The following MAP1B variants were observed in gnomAD, a reference collection of about 807,000 sequenced individuals.
MAP1B encodes microtubule associated protein 1B.
MAP1B carries 12 observed loss-of-function variants against 176.1 expected under a neutral mutation model. The ratio of observed to expected loss-of-function variants is 0.07; its 90% CI spans 0.04 to 0.11. MAP1B has a LOEUF of 0.11. Ranked by LOEUF, MAP1B falls within the 10% of genes least tolerant of loss-of-function variation. The pLI, the probability that MAP1B is intolerant of heterozygous loss-of-function variation, is 1.00. For synonymous variants in MAP1B, 1,044 were observed against 1,135.0 expected (o/e 0.92, Z 1.61); for missense variants, 2,523 against 2,990.5 (o/e 0.84, Z 3.65).
chr5:72,121,269 C>G (rs188655178), intron 2 of MAP1B, among the ~76,000 whole-genome samples: 146 of 152,370 alleles, frequency 9.6e-4, no homozygotes, highest in African/African-American at 3.2e-3. Flanking sequence ...CTCTTCTGCT[C>G]TCACCAATCA....
At chr5:72,114,089 A>T (rs771487447) in intron 1 of MAP1B, among the ~76,000 whole-genome samples, 1 of 152,210 alleles carries the variant, frequency 6.6e-6, no homozygotes, top group African/African-American at 2.4e-5. Flanking sequence ...CCCATTGATC[A>T]TATGAGAAAT....
At chr5:72,112,048 C>T (rs965958210) in intron 1 of MAP1B, among the ~76,000 whole-genome samples, 1 of 151,998 alleles carries the variant, frequency 6.6e-6, no homozygotes, top group African/African-American at 2.4e-5. Flanking sequence ...GTAGCATTTC[C>T]TTTAGTTCAT....
chr5:72,163,635 G>T (rs1746367287), intron 2 of MAP1B, among the ~76,000 whole-genome samples: 1 of 152,176 alleles, frequency 6.6e-6, no homozygotes, highest in East Asian at 1.9e-4. Context: ...TAGGAAGGAG[G>T]TGTCGGGATC....
intron 2 of MAP1B, among the ~76,000 whole-genome samples, chr5:72,157,112 G>A (rs1202145741): frequency 1.3e-5 from 2 of 152,212 alleles, no homozygotes; most frequent in East Asian, 1.9e-4. Context: ...GAAAATGTGT[G>A]TTAAACAGAT....
chr5:72,168,670 C>G (rs558214742), intron 2 of MAP1B, among the ~76,000 whole-genome samples: 1 of 152,314 alleles, frequency 6.6e-6, no homozygotes, highest in Admixed American at 6.5e-5. Flanking sequence ...CCTCCTTGGA[C>G]TCATTTTAAA....
intron 2 of MAP1B, among the ~76,000 whole-genome samples, chr5:72,170,630 G>A (rs1053697559): frequency 1.3e-5 from 2 of 151,854 alleles, no homozygotes; most frequent in African/African-American, 2.4e-5. Context: ...GATCAGAACA[G>A]TTAACCTGCC....
chr5:72,183,738 T>C lies in MAP1B; in HGVS notation c.287-5T>C. On this transcript the variant is annotated splice_region_variant and splice_polypyrimidine_tract_variant and intron_variant, in intron 2 of 6. Transcript: ENST00000296755. ...CCTCTTTTGTTTGTGTTTTTGTGCCTGCAGGACAAAAGATCCTTCATCACC... is the reference window on the plus strand; with the variant it reads ...CCTCTTTTGTTTGTGTTTTTGTGCCCGCAGGACAAAAGATCCTTCATCACC... The C allele has an allele frequency of 5.0e-6, 8 of 1,613,408 alleles. No homozygotes were observed. The highest frequency in any genetic ancestry group is 1.7e-4 in the Middle Eastern group (1 of 6,058).
intron 4 of MAP1B, among the ~76,000 whole-genome samples, chr5:72,187,338 G>T (rs184707230): frequency 6.6e-6 from 1 of 152,322 alleles, no homozygotes; most frequent in East Asian, 1.9e-4. Context: ...CTTATTCAAA[G>T]ATGACACATA....
Position 72,108,557 on chromosome 5 carries a change from T to C in MAP1B, c.184+842T>C, listed in dbSNP as rs371175615. Among the ~76,000 whole-genome samples the C allele has an allele frequency of 3.2e-4, 48 of 152,294 alleles. 1 individual carries two copies. In the East Asian group the frequency reaches 9.3e-3, roughly 30 times the overall value. ...AGTGGCGCGCTCTGCGGAGGCCGAATAGCGGTACGCCGGGGACCCTGGGCG... is the reference window on the plus strand; with the variant it reads ...AGTGGCGCGCTCTGCGGAGGCCGAACAGCGGTACGCCGGGGACCCTGGGCG... On this transcript the variant is annotated intron_variant, in intron 1 of 6. Transcript: ENST00000296755.
rs766902322 is a variant in MAP1B at position 72,195,470 on chromosome 5, G to T, written c.2115G>T (p.Pro705=). 2.3e-5 allele frequency: 36 copies of T among 1,586,964 alleles called. No homozygotes were observed. The highest frequency in any genetic ancestry group is 2.7e-5 in the Non-Finnish European group (32 of 1,171,240). ...AGAAAGAGGTTAAGAAAGAAACACC[G>T]CCAAAGGAAGTCAAGAAGGAAGTTA... The part of the protein sequence containing the change: ...EPKKEVKKET[P]PKEVKKEVKK... The change falls in exon 5 of 7, where the codon CCG becomes CCT. Residue 705 remains proline, a synonymous_variant. Coordinates refer to ENST00000296755, the MANE Select transcript of MAP1B (RefSeq NM_005909.5).
At position 72,205,509 on chromosome 5, in the gene MAP1B, A is replaced by G. The variant is rs1747427893; in HGVS notation, c.*270A>G. On this transcript the variant is annotated 3_prime_UTR_variant, in exon 7 of 7. Transcript: ENST00000296755. The stretch of plus-strand genomic sequence containing the variant: ...TCTGCTGAACATTTGGAAACCATGC[A>G]CTAGCCAACCCAACTGACTTCTGCT... 1 of 364,680 alleles carries G rather than the reference A, an allele frequency of 2.7e-6. No homozygotes were observed. Among genetic ancestry groups the G allele is most frequent in the African/African-American group, 2.1e-5 (1 of 48,204 alleles). 22.6% of individuals were successfully genotyped at this position (364,680 alleles called of 1,614,324 possible). A position where few individuals can be genotyped will look rare whatever the true frequency, so the allele number is the denominator to read the frequency against.
In MAP1B at chr5:72,194,971, C is replaced by T. The variant is rs367593566; in HGVS notation, c.1616C>T (p.Ala539Val). The T allele has an allele frequency of 6.2e-7, 1 of 1,613,936 alleles. No homozygotes were observed. The highest frequency in any genetic ancestry group is 1.3e-5 in the African/African-American group (1 of 74,868). The part of the protein sequence containing the change: ...VVKQTKLKQR[A>V]DSRESLKPAA... Reference sequence around the variant, plus strand: ...AAACAAACAAAACTGAAACAGAGGGCTGATAGCCGAGAAAGTCTGAAGCCA... The same window carrying T: ...AAACAAACAAAACTGAAACAGAGGGTTGATAGCCGAGAAAGTCTGAAGCCA... Residue 539 changes from alanine to valine, a missense_variant, in exon 5 of 7, where the codon GCT becomes GTT. Transcript: ENST00000296755. This position sits in a 1 kb window ranked among gnomAD's most constrained non-coding sequence, Gnocchi z 7.2.
At chr5:72,120,141 C>A (rs574903141) in intron 2 of MAP1B, among the ~76,000 whole-genome samples, 1 of 152,312 alleles carries the variant, frequency 6.6e-6, no homozygotes, top group South Asian at 2.1e-4. Context: ...AAAAACTATT[C>A]TCAGGACAAG....
intron 2 of MAP1B, among the ~76,000 whole-genome samples, chr5:72,129,303 C>A (rs1745684171): frequency 6.6e-6 from 1 of 152,198 alleles, no homozygotes; most frequent in African/African-American, 2.4e-5. Flanking sequence ...CGCCTGTAAT[C>A]CCAGCACTTT....
At chr5:72,153,281 C>T (rs192878608) in intron 2 of MAP1B, among the ~76,000 whole-genome samples, 9 of 152,038 alleles carry the variant, frequency 5.9e-5, no homozygotes, top group East Asian at 1.9e-4. Context: ...CATGAGAGAG[C>T]GGGGAGGGAG....
At chr5:72,165,049 G>A (rs1209216722) in intron 2 of MAP1B, among the ~76,000 whole-genome samples, 1 of 151,932 alleles carries the variant, frequency 6.6e-6, no homozygotes. Flanking sequence ...TGAGAACTTT[G>A]AAAGGCTAAA....
Position 72,194,402 on chromosome 5 carries a change from C to A in MAP1B, c.1047C>A (p.Leu349=), listed in dbSNP as rs1185024366. The A allele has an allele frequency of 1.2e-6, 2 of 1,614,032 alleles. No individual in the cohort carries two copies. Among genetic ancestry groups the A allele is most frequent in the Non-Finnish European group, 1.7e-6 (2 of 1,180,054 alleles). The change falls in exon 5 of 7, where the codon CTC becomes CTA. Residue 349 remains leucine, a synonymous_variant. Transcript: ENST00000296755. The surrounding 1 kb of genome is among the most constrained non-coding windows in gnomAD (Gnocchi z 7.2). The part of the protein sequence containing the change: ...STTNSDWMKN[L]ISPDLGVVFL... ...CAAATAGTGACTGGATGAAAAACCT[C>A]ATCTCCCCTGACTTAGGAGTTGTAT...
Position 72,197,676 on chromosome 5 carries a change from C to G in MAP1B, c.4321C>G (p.Gln1441Glu). Reference protein sequence around the residue: ...EKSGKQGSPDQVSPVSEMTST... With the variant: ...EKSGKQGSPDEVSPVSEMTST... Reference sequence around the variant, plus strand: ...GAGTGGAAAACAAGGCTCTCCAGACCAAGTAAGTCCAGTTTCTGAAATGAC... The same window carrying G: ...GAGTGGAAAACAAGGCTCTCCAGACGAAGTAAGTCCAGTTTCTGAAATGAC... The change falls in exon 5 of 7, where the codon CAA becomes GAA. Residue 1441 changes from glutamine (Q) to glutamate (E), a missense_variant. By Grantham distance (29) the Gln-to-Glu change is conservative. This residue lies in a region of MAP1B where 1,925 missense variants were observed against 2,126.0 expected (regional missense o/e 0.91). Coordinates refer to ENST00000296755, the MANE Select transcript of MAP1B (RefSeq NM_005909.5). The G allele has an allele frequency of 6.2e-7, 1 of 1,614,086 alleles. No individual in the cohort carries two copies. Among genetic ancestry groups the G allele is most frequent in the South Asian group, 1.1e-5 (1 of 91,064 alleles).
At chr5:72,131,690 G>A (rs1374670134) in intron 2 of MAP1B, among the ~76,000 whole-genome samples, 1 of 152,198 alleles carries the variant, frequency 6.6e-6, no homozygotes, top group African/African-American at 2.4e-5. Context: ...AGAATGGAAA[G>A]GTTTGTGTTG....
Sources: gnomAD v4.1 joint callset for allele counts (sites outside exome capture counted in the v4.1 genomes callset) on GRCh38, gnomAD v4.1.1 for gene constraint, gnomAD v4.1.1 regional missense constraint, Gnocchi (gnomAD v3.1) non-coding constraint, MANE v1.5 for transcripts, NCBI Gene and HGNC (gene_info 2026-07-23, HGNC 2026-07-21) for gene names.